The following LIN52 variants were observed in gnomAD, a reference collection of about 807,000 sequenced individuals.
LIN52 encodes the protein protein lin-52 homolog.
A neutral mutation model predicts 18.5 loss-of-function variants in LIN52; 4 were observed. That is an observed-to-expected ratio of 0.22 (90% CI 0.11 to 0.49). The LOEUF (loss-of-function observed/expected upper bound fraction) is 0.49. Among genes scored for constraint, LIN52 ranks in the 20% least tolerant of loss-of-function variants. The probability of loss-of-function intolerance (pLI) is 0.97; values close to 1 mark genes in which losing one functional copy is unlikely to be tolerated. For missense variants in LIN52, 102 were observed against 139.5 expected (o/e 0.73, Z 1.35); for synonymous variants, 34 against 45.5 (o/e 0.75, Z 1.02).
At chr14:74,120,996 GA>G (rs369785129) in intron 5 of LIN52, among the ~76,000 whole-genome samples, 133 of 152,256 alleles carry the variant, frequency 8.7e-4, no homozygotes, top group South Asian at 4.8e-3. Context: ...AGGATCATTT[GA>G]GCCCAGAAGT....
chr14:74,178,393 G>C (rs1566868083), intron 5 of LIN52, among the ~76,000 whole-genome samples: 4 of 152,026 alleles, frequency 2.6e-5, no homozygotes, highest in Admixed American at 2.6e-4. Flanking sequence ...ATTAGAAATA[G>C]GATCCCTTAA....
At chr14:74,108,876 T>C (rs923725747) in intron 5 of LIN52, among the ~76,000 whole-genome samples, 2 of 152,236 alleles carry the variant, frequency 1.3e-5, no homozygotes, top group East Asian at 3.8e-4. Flanking sequence ...ACTTTCTTAA[T>C]GGTGTCCTTT....
At position 74,160,356 on chromosome 14, in the gene LIN52, A is replaced by T. The variant is rs190016582; in HGVS notation, c.284-38566A>T. Among the ~76,000 whole-genome samples the T allele has an allele frequency of 1.6e-3, 237 of 152,310 alleles. 1 individual carries two copies. Among genetic ancestry groups the T allele is most frequent in the African/African-American group, 5.4e-3 (226 of 41,572 alleles). On this transcript the variant is annotated intron_variant, in intron 5 of 5. Transcript: ENST00000555028. Reference sequence around the variant, plus strand: ...GTATGATGTACTTGTGTGAAGGATTATTTATGGGCCCAAATACCCTTCTCT... The same window carrying T: ...GTATGATGTACTTGTGTGAAGGATTTTTTATGGGCCCAAATACCCTTCTCT...
At chr14:74,096,058 T>C in intron 3 of LIN52, 73 bp downstream of exon 3, 1 of 868,984 alleles carries the variant, frequency 1.2e-6, no homozygotes, top group Non-Finnish European at 1.8e-6. Context: ...ATCTCTGTTC[T>C]TTATTTTATT....
intron 5 of LIN52, among the ~76,000 whole-genome samples, chr14:74,111,713 T>G (rs758797917): frequency 6.6e-6 from 1 of 151,778 alleles, no homozygotes; most frequent in African/African-American, 2.4e-5. Context: ...AAGTCCTACC[T>G]CTCATAGAAC....
intron 5 of LIN52, 148 bp from the exon 6 acceptor site, chr14:74,198,774 T>G: frequency 1.6e-6 from 1 of 638,560 alleles, no homozygotes. Flanking sequence ...TTTACCCCCT[T>G]TTAGGTTAGT....
At chr14:74,129,083 ATGAG>A (rs1298514511) in intron 5 of LIN52, among the ~76,000 whole-genome samples, 1 of 152,168 alleles carries the variant, frequency 6.6e-6, no homozygotes, top group African/African-American at 2.4e-5. Flanking sequence ...AAATGTATGA[ATGAG>A]TGAGTTAGTT....
At chr14:74,166,486 T>G (rs1396411142) in intron 5 of LIN52, among the ~76,000 whole-genome samples, 10 of 152,234 alleles carry the variant, frequency 6.6e-5, no homozygotes, top group Non-Finnish European at 1.5e-5. Context: ...GTGCTGGGAT[T>G]ACAGGCATGA....
At chr14:74,147,387 G>A (rs75147680) in intron 5 of LIN52, among the ~76,000 whole-genome samples, 1,569 of 152,222 alleles carry the variant, frequency 0.01, 32 homozygotes, top group African/African-American at 0.036. Context: ...TAGAACATAG[G>A]CATAAATCAT....
intron 2 of LIN52, among the ~76,000 whole-genome samples, 155 bp downstream of exon 2, chr14:74,091,461 A>T (rs559947038): frequency 6.6e-6 from 1 of 152,240 alleles, no homozygotes; most frequent in African/African-American, 2.4e-5. Context: ...CTTTAGTGAC[A>T]CTAACGTTAA....
chr14:74,160,892 A>G (rs1399210486), intron 5 of LIN52, among the ~76,000 whole-genome samples: 1 of 152,230 alleles, frequency 6.6e-6, no homozygotes, highest in Non-Finnish European at 1.5e-5. Context: ...GAGAAGCAAT[A>G]TTAAATGCTT....
At chr14:74,192,083 G>A (rs1005673472) in intron 5 of LIN52, among the ~76,000 whole-genome samples, 1 of 148,908 alleles carries the variant, frequency 6.7e-6, no homozygotes, top group African/African-American at 2.4e-5. Flanking sequence ...AGTCATTTGT[G>A]TTACCATTTA....
intron 5 of LIN52, among the ~76,000 whole-genome samples, chr14:74,188,027 A>G (rs17098063): frequency 0.014 from 2,155 of 152,320 alleles, 49 homozygotes; most frequent in African/African-American, 0.048. Flanking sequence ...AGTTTCTATT[A>G]AACAACAAAA....
At chr14:74,147,022 G>A (rs144070629) in intron 5 of LIN52, among the ~76,000 whole-genome samples, 3,080 of 152,196 alleles carry the variant, frequency 0.02, 47 homozygotes, top group Non-Finnish European at 0.028. Context: ...AATTTGGGAC[G>A]CCGAGGTGGG....
intron 5 of LIN52, among the ~76,000 whole-genome samples, chr14:74,127,385 G>T (rs977008290): frequency 2.0e-5 from 3 of 152,216 alleles, no homozygotes; most frequent in African/African-American, 7.2e-5. Flanking sequence ...GAACAGCAAA[G>T]TCTGGTAGTG....
intron 5 of LIN52, among the ~76,000 whole-genome samples, chr14:74,195,556 ATG>A (rs59249126): frequency 5.5e-4 from 82 of 149,624 alleles, no homozygotes; most frequent in South Asian, 4.2e-4. Flanking sequence ...GTGTGTGTGT[ATG>A]TGTGTGTGTG....
At chr14:74,192,210 C>T (rs1286531763) in intron 5 of LIN52, among the ~76,000 whole-genome samples, 1 of 151,976 alleles carries the variant, frequency 6.6e-6, no homozygotes, top group Non-Finnish European at 1.5e-5. Context: ...TAAGGAGACT[C>T]CACGGCTTAC....
Position 74,100,428 on chromosome 14 carries a change from G to A in LIN52, c.200-727G>A, listed in dbSNP as rs567693402. 3.9e-4 allele frequency among the ~76,000 whole-genome samples: 60 copies of A among 152,242 alleles called. 1 individual carries two copies. In the South Asian group the frequency reaches 0.01, roughly 26 times the overall value. On this transcript the variant is annotated intron_variant, in intron 4 of 5. Transcript: ENST00000555028. ...TGATCCTCCCATCCCAGCCTCCTGAGTAGCTGGGACTACAGGCATACACCA... is the reference window on the plus strand; with the variant it reads ...TGATCCTCCCATCCCAGCCTCCTGAATAGCTGGGACTACAGGCATACACCA...
chr14:74,092,314 TG>T (rs869259961), intron 2 of LIN52, among the ~76,000 whole-genome samples: 7 of 117,334 alleles, frequency 6.0e-5, no homozygotes, highest in Non-Finnish European at 1.4e-4. Flanking sequence ...TATATATATA[TG>T]TTTTTTTTAG....
Sources: gnomAD v4.1 joint callset for allele counts (sites outside exome capture counted in the v4.1 genomes callset) on GRCh38, gnomAD v4.1.1 for gene constraint, MANE v1.5 for transcripts, NCBI Gene and HGNC (gene_info 2026-07-23, HGNC 2026-07-21) for gene names.